The following PPP1R13B variants were observed in gnomAD, a reference collection of about 807,000 sequenced individuals.
PPP1R13B encodes the protein apoptosis-stimulating of p53 protein 1.
PPP1R13B carries 44 observed loss-of-function variants against 119.8 expected under a neutral mutation model. The ratio of observed to expected loss-of-function variants is 0.37; its 90% CI spans 0.29 to 0.47. PPP1R13B has a LOEUF of 0.47. PPP1R13B is among the 20% of genes least tolerant of loss of function. PPP1R13B has a pLI of 0.99. For missense variants in PPP1R13B, 1,227 were observed against 1,413.5 expected (o/e 0.87, Z 2.12); for synonymous variants, 542 against 561.5 (o/e 0.97, Z 0.49).
intron 1 of PPP1R13B, among the ~76,000 whole-genome samples, chr14:103,842,166 C>T (rs1437525901): frequency 6.6e-6 from 1 of 152,004 alleles, no homozygotes; most frequent in Non-Finnish European, 1.5e-5. Context: ...TTAATGTCAT[C>T]CCTACCCTGC....
At chr14:103,821,556 A>G (rs1032238063) in intron 1 of PPP1R13B, among the ~76,000 whole-genome samples, 7 of 152,178 alleles carry the variant, frequency 4.6e-5, no homozygotes, top group Non-Finnish European at 1.0e-4. Flanking sequence ...GTTCGAGACC[A>G]GCCTAACCAA....
At position 103,775,540 on chromosome 14, in the gene PPP1R13B, G is replaced by T. The variant is rs143113439; in HGVS notation, c.354+3205C>A. On this transcript the variant is annotated intron_variant, in intron 4 of 16. Coordinates refer to ENST00000202556, the MANE Select transcript of PPP1R13B (RefSeq NM_015316.3). Reference sequence around the variant, plus strand: ...TCCGCCTACCTTGGCCTCCCAAAGTGCTGGGATTACAGGAGCTAGCCACCG... The same window carrying T: ...TCCGCCTACCTTGGCCTCCCAAAGTTCTGGGATTACAGGAGCTAGCCACCG... 5.9e-3 allele frequency among the ~76,000 whole-genome samples: 906 copies of T among 152,278 alleles called. 10 individuals are homozygous for T. Among genetic ancestry groups the T allele is most frequent in the African/African-American group, 0.021 (853 of 41,540 alleles).
intron 15 of PPP1R13B, 35 bp downstream of exon 15, chr14:103,737,659 C>T (rs2084147408): frequency 1.9e-6 from 3 of 1,604,328 alleles, no homozygotes; most frequent in Non-Finnish European, 2.6e-6. Context: ...CCACAGCAGA[C>T]AGCACCACTG....
At chr14:103,821,226 T>G (rs541004796) in intron 1 of PPP1R13B, among the ~76,000 whole-genome samples, 1 of 152,312 alleles carries the variant, frequency 6.6e-6, no homozygotes, top group South Asian at 2.1e-4. Context: ...TTCAGTTACC[T>G]TGTTCACTGA....
chr14:103,807,436 G>C (rs1446042223), intron 1 of PPP1R13B, among the ~76,000 whole-genome samples: 1 of 152,198 alleles, frequency 6.6e-6, no homozygotes, highest in African/African-American at 2.4e-5. Flanking sequence ...TGTGTCAGTA[G>C]TGCCTGAAGC....
At chr14:103,810,418 T>C (rs2086122936) in intron 1 of PPP1R13B, among the ~76,000 whole-genome samples, 1 of 151,740 alleles carries the variant, frequency 6.6e-6, no homozygotes, top group Admixed American at 6.6e-5. Context: ...AAATTAAAAT[T>C]AGAAAATAAT....
chr14:103,813,372 T>C (rs1042752833), intron 1 of PPP1R13B, among the ~76,000 whole-genome samples: 1 of 152,172 alleles, frequency 6.6e-6, no homozygotes, highest in Non-Finnish European at 1.5e-5. Flanking sequence ...GGGTAAGATA[T>C]GGTTTGGCTG....
rs1055188960 is a variant in PPP1R13B at position 103,778,808 on chromosome 14, G to A, written c.291C>T (p.Thr97=). 3.1e-6 allele frequency: 5 copies of A among 1,613,522 alleles called. No homozygotes were observed. Among genetic ancestry groups the A allele is most frequent in the Non-Finnish European group, 3.4e-6 (4 of 1,179,822 alleles). ...TENSEQGGRQ[T]QEQRTQRNVI... is the part of the protein sequence containing the mutation. ...CATTTCTCTGAGTTCGTTGCTCTTG[G>A]GTCTGACGGCCACCTAAAGAAATAA... Residue 97 remains threonine (T), a synonymous_variant, in exon 4 of 17, where the codon ACC becomes ACT. Transcript: ENST00000202556.
At chr14:103,770,135 C>T (rs1203864921) in intron 4 of PPP1R13B, among the ~76,000 whole-genome samples, 4 of 151,756 alleles carry the variant, frequency 2.6e-5, no homozygotes, top group African/African-American at 9.7e-5. Context: ...TCAAGTGATC[C>T]ACCTACCTCG....
intron 1 of PPP1R13B, among the ~76,000 whole-genome samples, chr14:103,835,301 T>C (rs2086750134): frequency 1.3e-5 from 2 of 152,002 alleles, no homozygotes; most frequent in South Asian, 2.1e-4. Context: ...TTTTGTATTA[T>C]TTTGGTAGAG....
chr14:103,790,245 CA>C (rs571576912), intron 2 of PPP1R13B, among the ~76,000 whole-genome samples: 197 of 123,284 alleles, frequency 1.6e-3, no homozygotes, highest in Middle Eastern at 4.5e-3. Flanking sequence ...GACCCTGTCT[CA>C]AAAAAAAAAA....
chr14:103,840,068 C>T (rs1455990596), intron 1 of PPP1R13B: 1 of 152,172 alleles, frequency 6.6e-6, no homozygotes, highest in African/African-American at 2.4e-5. Flanking sequence ...GTAACAGCAG[C>T]TTTTGCTTAC....
chr14:103,791,485 G>C (rs2085619781), intron 2 of PPP1R13B, among the ~76,000 whole-genome samples: 1 of 152,212 alleles, frequency 6.6e-6, no homozygotes, highest in South Asian at 2.1e-4. Flanking sequence ...CCAGCACTTT[G>C]GGAGGCCAAG....
At chr14:103,846,771 G>A (rs1201249481) in intron 1 of PPP1R13B, 1 of 456,720 alleles carries the variant, frequency 2.2e-6, no homozygotes, top group Non-Finnish European at 4.4e-6. Context: ...AAAGCAAAAC[G>A]AACCAACATT....
chr14:103,753,242 T>C (rs1369712755), intron 6 of PPP1R13B, 46 bp from the exon 7 acceptor site: 1 of 921,202 alleles, frequency 1.1e-6, no homozygotes, highest in African/African-American at 3.8e-5. Context: ...TAGTTGATCC[T>C]TTTTTTTTTT....
intron 3 of PPP1R13B, among the ~76,000 whole-genome samples, chr14:103,782,231 C>T (rs1201512943): frequency 1.3e-5 from 2 of 152,042 alleles, no homozygotes; most frequent in East Asian, 3.8e-4. Context: ...CTCATCTTTC[C>T]ACAAAAAAAG....
In PPP1R13B at chr14:103,761,408, C is replaced by T. The variant is rs149466436; in HGVS notation, c.355-3657G>A. Among the ~76,000 whole-genome samples the T allele has an allele frequency of 1.3e-3, 200 of 151,832 alleles. 1 individual carries two copies. Among genetic ancestry groups the T allele is most frequent in the African/African-American group, 4.7e-3 (194 of 41,354 alleles). On this transcript the variant is annotated intron_variant, in intron 4 of 16. Coordinates refer to ENST00000202556, the MANE Select transcript of PPP1R13B (RefSeq NM_015316.3). ...AATACCTGTCCAGTTAATGACTCTTCATTATTGCAGTTCTTGAAAAACTAT... is the reference window on the plus strand; with the variant it reads ...AATACCTGTCCAGTTAATGACTCTTTATTATTGCAGTTCTTGAAAAACTAT...
At chr14:103,757,802 T>C (rs1345774674) in intron 4 of PPP1R13B, 51 bp from the exon 5 acceptor site, 9 of 1,484,910 alleles carry the variant, frequency 6.1e-6, no homozygotes, top group African/African-American at 1.4e-5. Context: ...CATAATTGTC[T>C]GTCTCTAGTG....
rs3742367 is a variant in PPP1R13B, at chr14:103,733,829, G to C, written c.*1325C>G. ...GGCTGGCAGCGGCCATGCTCCTGTGGTCGGGCTGCTCTACAAGGGCGTTCA... is the reference window on the plus strand; with the variant it reads ...GGCTGGCAGCGGCCATGCTCCTGTGCTCGGGCTGCTCTACAAGGGCGTTCA... On this transcript the variant is annotated 3_prime_UTR_variant, in exon 17 of 17. Coordinates refer to ENST00000202556, the MANE Select transcript of PPP1R13B (RefSeq NM_015316.3). 1 of 152,316 alleles carries C rather than the reference G, an allele frequency of 6.6e-6. No homozygotes were observed. The highest frequency in any genetic ancestry group is 1.9e-4 in the East Asian group (1 of 5,210). The allele number at this position is 152,316 out of a possible 1,614,324, so 9.4% of individuals were successfully genotyped here. A position where few individuals can be genotyped will look rare whatever the true frequency, so the allele number is the denominator to read the frequency against.
Sources: allele counts gnomAD v4.1 joint callset (sites outside exome capture counted in the v4.1 genomes callset), GRCh38; gene constraint gnomAD v4.1.1; transcripts MANE v1.5; gene names NCBI Gene and HGNC (gene_info 2026-07-23, HGNC 2026-07-21).